PPP1R21: variants seen among roughly 807,000 people sequenced by gnomAD.
The protein encoded by PPP1R21 is KLRAQ motif containing 1.
PPP1R21 carries 85 observed loss-of-function variants against 112.8 expected under a neutral mutation model. That is an observed-to-expected ratio of 0.75 (90% CI 0.63 to 0.90). The LOEUF is 0.90. Ranked by LOEUF, PPP1R21 falls within the 40% of genes least tolerant of loss-of-function variation. The pLI, the probability that PPP1R21 is intolerant of heterozygous loss-of-function variation, is 0.00. For missense variants in PPP1R21, 1,199 were observed against 901.5 expected (o/e 1.33, Z -4.23); for synonymous variants, 381 against 322.3 (o/e 1.18, Z -1.95).
intron 14 of PPP1R21, among the ~76,000 whole-genome samples, chr2:48,488,367 A>G (rs1409899979): frequency 6.7e-6 from 1 of 148,892 alleles, no homozygotes; most frequent in Non-Finnish European, 1.5e-5. Flanking sequence ...GTATTTGCCA[A>G]CTTTTTTTTT....
rs895850116 is a variant in PPP1R21 at position 48,514,974 on chromosome 2, C to T, written c.*230C>T. ...AGTAAATGGAAAACAATACGTATGT[C>T]ATGGATATTGTAGGTTTCCTTATGC... On this transcript the variant is annotated 3_prime_UTR_variant, in exon 22 of 22. Coordinates refer to ENST00000294952, the MANE Select transcript of PPP1R21 (RefSeq NM_001135629.3). 7.6e-6 allele frequency: 4 copies of T among 528,248 alleles called. No individual in the cohort carries two copies. The highest frequency in any genetic ancestry group is 3.6e-5 in the Admixed American group (1 of 27,836). The allele number at this position is 528,248 out of a possible 1,614,324, so 32.7% of individuals were successfully genotyped here. A position where few individuals can be genotyped will look rare whatever the true frequency, so the allele number is the denominator to read the frequency against.
Position 48,479,697 on chromosome 2 carries a change from T to C in PPP1R21, c.1226-227T>C. 3 of 618,286 alleles carry C rather than the reference T, an allele frequency of 4.9e-6. No homozygotes were observed. The South Asian group carries it at 5.6e-5, about 11-fold the overall frequency. The allele number at this position is 618,286 out of a possible 1,614,324, so 38.3% of individuals were successfully genotyped here. On this transcript the variant is annotated intron_variant, in intron 12 of 21. Transcript: ENST00000294952. The stretch of plus-strand genomic sequence containing the variant: ...TTAATCCTGCTTAACAACTGAATTT[T>C]GTTTCTCAACCATTAAAAAATATTT...
chr2:48,442,331 A>G (rs940295144), intron 1 of PPP1R21, among the ~76,000 whole-genome samples: 2 of 152,216 alleles, frequency 1.3e-5, no homozygotes, highest in Non-Finnish European at 2.9e-5. Context: ...GTGAGTATAA[A>G]GCAAGGGGAC....
chr2:48,469,390 T>G (rs372789332), intron 9 of PPP1R21, among the ~76,000 whole-genome samples: 855 of 68,038 alleles, frequency 0.013, 54 homozygotes, highest in Non-Finnish European at 0.022. Flanking sequence ...CATATATATA[T>G]AGAGCATATA....
intron 16 of PPP1R21, among the ~76,000 whole-genome samples, chr2:48,497,796 C>T (rs1669913353): frequency 6.6e-6 from 1 of 151,912 alleles, no homozygotes. Context: ...GGACTACAGG[C>T]GCCCGCCGCC....
chr2:48,452,715 T>A lies in PPP1R21; in HGVS notation c.126+1639T>A, dbSNP rs80222600. On this transcript the variant is annotated intron_variant, in intron 2 of 21. Transcript: ENST00000294952. ...CCTTTCAGTGCGCTGTTAGGTGTAA[T>A]CAATGCTCATTGATTTGAATTTTTA... is the stretch of plus-strand genomic sequence containing the variant. Among the ~76,000 whole-genome samples the A allele has an allele frequency of 6.6e-3, 1,002 of 152,120 alleles. 16 individuals carry two copies. The highest frequency in any genetic ancestry group is 0.022 in the African/African-American group (931 of 41,536).
intron 3 of PPP1R21, among the ~76,000 whole-genome samples, chr2:48,456,029 AAAAAAAAT>A (rs908057406): frequency 2.1e-5 from 3 of 142,852 alleles, no homozygotes; most frequent in Non-Finnish European, 4.6e-5. Context: ...AAAAAAAAAA[AAAAAAAAT>A]AGTAGCAGTT....
At chr2:48,445,843 A>G (rs1667222805) in intron 1 of PPP1R21, among the ~76,000 whole-genome samples, 1 of 152,208 alleles carries the variant, frequency 6.6e-6, no homozygotes, top group Non-Finnish European at 1.5e-5. Flanking sequence ...TGGGATAGCA[A>G]CAAGTAAGTA....
Position 48,495,074 on chromosome 2 carries a change from G to A in PPP1R21, c.1600-605G>A, listed in dbSNP as rs995431594. On this transcript the variant is annotated intron_variant, in intron 15 of 21. Transcript: ENST00000294952. ...CTGTACTGAAAGTGAAAAACAGAAT[G>A]GTTGTATGTATAAGTACTCAAAAAT... Among the ~76,000 whole-genome samples the A allele has an allele frequency of 2.0e-5, 3 of 152,152 alleles. No homozygotes were observed. The South Asian group carries it at 6.2e-4, about 32-fold the overall frequency.
intron 7 of PPP1R21, among the ~76,000 whole-genome samples, chr2:48,464,199 GTATAGCC>G (rs1347944861): frequency 6.6e-6 from 1 of 152,200 alleles, no homozygotes; most frequent in Admixed American, 6.5e-5. Context: ...AGCTGGTAAT[GTATAGCC>G]CAGTGAGTAG....
intron 1 of PPP1R21, among the ~76,000 whole-genome samples, chr2:48,445,032 A>G (rs1364552076): frequency 1.3e-5 from 2 of 151,704 alleles, no homozygotes; most frequent in Non-Finnish European, 2.9e-5. Context: ...TTGATCCAGC[A>G]TGTTTGCTCT....
At chr2:48,457,878 G>T in intron 3 of PPP1R21, 1 of 400,178 alleles carries the variant, frequency 2.5e-6, no homozygotes. Context: ...CATCTGCAAA[G>T]AATAGTAAGC....
chr2:48,512,498 C>G (rs969529260), intron 21 of PPP1R21, among the ~76,000 whole-genome samples: 1 of 147,348 alleles, frequency 6.8e-6, no homozygotes, highest in Non-Finnish European at 1.5e-5. Flanking sequence ...TTATTGAGTT[C>G]CTGCTGTGTA....
At chr2:48,455,804 G>C (rs1667695024) in intron 3 of PPP1R21, among the ~76,000 whole-genome samples, 1 of 152,076 alleles carries the variant, frequency 6.6e-6, no homozygotes, top group South Asian at 2.1e-4. Flanking sequence ...CACGAGGTCA[G>C]GAGATTGAGA....
At chr2:48,476,839 A>G (rs1269374095) in intron 12 of PPP1R21, among the ~76,000 whole-genome samples, 1 of 152,182 alleles carries the variant, frequency 6.6e-6, no homozygotes, top group African/African-American at 2.4e-5. Context: ...TATTATACAT[A>G]CAAGTCACTT....
chr2:48,462,485 C>T (rs768398649), intron 7 of PPP1R21, among the ~76,000 whole-genome samples: 1 of 152,072 alleles, frequency 6.6e-6, no homozygotes, highest in Non-Finnish European at 1.5e-5. Context: ...TGAGCTGGGC[C>T]TGGATATGTG....
chr2:48,494,283 T>C (rs1282878564), intron 15 of PPP1R21, among the ~76,000 whole-genome samples: 1 of 129,820 alleles, frequency 7.7e-6, no homozygotes, highest in Admixed American at 8.1e-5. Flanking sequence ...AAAAAAGTCA[T>C]GTCAAAAATG....
At chr2:48,466,338 A>G (rs1234392830) in intron 9 of PPP1R21, among the ~76,000 whole-genome samples, 1 of 151,702 alleles carries the variant, frequency 6.6e-6, no homozygotes, top group Non-Finnish European at 1.5e-5. Context: ...CAGCTTCCCA[A>G]CTAGCTGGGA....
chr2:48,453,640 C>G (rs1000446443), intron 2 of PPP1R21, among the ~76,000 whole-genome samples: 1 of 152,208 alleles, frequency 6.6e-6, no homozygotes, highest in Admixed American at 6.5e-5. Flanking sequence ...TTTCCATTTT[C>G]ATACCCCATT....
Sources: gnomAD v4.1 joint callset for allele counts (sites outside exome capture counted in the v4.1 genomes callset) on GRCh38, gnomAD v4.1.1 for gene constraint, MANE v1.5 for transcripts, NCBI Gene and HGNC (gene_info 2026-07-23, HGNC 2026-07-21) for gene names.